Variants in GRID1 observed in about 807,000 individuals in gnomAD.
The protein encoded by GRID1 is glutamate receptor ionotropic, delta-1.
GRID1 carries 28 observed loss-of-function variants against 98.0 expected under a neutral mutation model. The ratio of observed to expected loss-of-function variants is 0.29; its 90% confidence interval spans 0.21 to 0.39. The LOEUF (loss-of-function observed/expected upper bound fraction) is 0.39, where lower values mean the gene tolerates loss of function less well. Ranked by LOEUF, GRID1 falls within the 10% of genes least tolerant of loss-of-function variation. The pLI is 1.00. For missense variants in GRID1, 1,111 were observed against 1,340.5 expected (o/e 0.83, Z 2.67); for synonymous variants, 553 against 538.5 (o/e 1.03, Z -0.37).
chr10:85,931,165 CT>C (rs1314056698), intron 4 of GRID1, among the ~76,000 whole-genome samples: 1 of 152,000 alleles, frequency 6.6e-6, no homozygotes. Context: ...ACTTTGATTC[CT>C]GTTCTTTTCA....
intron 12 of GRID1, among the ~76,000 whole-genome samples, chr10:85,666,057 T>A (rs1456331518): frequency 6.6e-6 from 1 of 152,136 alleles, no homozygotes; most frequent in Non-Finnish European, 1.5e-5. Flanking sequence ...AAATATGTGA[T>A]TTTTCTACCT....
At chr10:85,847,798 T>C (rs2131775954) in intron 8 of GRID1, among the ~76,000 whole-genome samples, 1 of 152,242 alleles carries the variant, frequency 6.6e-6, no homozygotes, top group African/African-American at 2.4e-5. Context: ...TATAAGTTCC[T>C]AAAAAACACA....
intron 4 of GRID1, among the ~76,000 whole-genome samples, chr10:85,921,608 G>C (rs1841704794): frequency 6.6e-6 from 1 of 152,234 alleles, no homozygotes; most frequent in Non-Finnish European, 1.5e-5. Flanking sequence ...ACAGAAAGGA[G>C]TCCCTGAGCA....
chr10:85,728,137 T>G, intron 9 of GRID1, 85 bp from the exon 10 acceptor site: 1 of 1,013,382 alleles, frequency 9.9e-7, no homozygotes, highest in Non-Finnish European at 1.6e-6. Flanking sequence ...GAGAAAGATC[T>G]GATTAGAACA....
intron 13 of GRID1, among the ~76,000 whole-genome samples, chr10:85,621,367 CTCCTGCCTT>C (rs1323382421): frequency 7.9e-5 from 12 of 152,270 alleles, no homozygotes. Context: ...TTGTCCCTGG[CTCCTGCCTT>C]TGTTCAGTTG....
intron 12 of GRID1, among the ~76,000 whole-genome samples, chr10:85,674,942 T>G (rs767360952): frequency 2.6e-5 from 4 of 152,210 alleles, no homozygotes; most frequent in Non-Finnish European, 5.9e-5. Context: ...TGCTCATATA[T>G]TCCATTGGAG....
At chr10:86,128,176 G>T (rs547332589) in intron 4 of GRID1, among the ~76,000 whole-genome samples, 2 of 116,620 alleles carry the variant, frequency 1.7e-5, no homozygotes, top group South Asian at 6.0e-4. Flanking sequence ...GGTTTCCTCT[G>T]TGAGAGGAGA....
intron 12 of GRID1, among the ~76,000 whole-genome samples, chr10:85,666,214 C>A (rs1192117230): frequency 5.9e-5 from 9 of 152,162 alleles, no homozygotes; most frequent in Non-Finnish European, 1.5e-5. Flanking sequence ...GGCAAGGACA[C>A]TGAGGCCCAG....
chr10:86,182,483 G>A (rs892570946), intron 3 of GRID1, among the ~76,000 whole-genome samples: 1 of 152,206 alleles, frequency 6.6e-6, no homozygotes, highest in Non-Finnish European at 1.5e-5. Flanking sequence ...TCATCTGATC[G>A]GCTTCTGCCT....
intron 2 of GRID1, among the ~76,000 whole-genome samples, chr10:86,282,437 T>C (rs993028740): frequency 2.0e-5 from 3 of 152,100 alleles, no homozygotes; most frequent in Admixed American, 2.0e-4. Flanking sequence ...CTTCCATGGA[T>C]CCAGGTGCCG....
intron 8 of GRID1, among the ~76,000 whole-genome samples, chr10:85,761,183 C>T (rs1842144047): frequency 6.6e-6 from 1 of 152,234 alleles, no homozygotes; most frequent in African/African-American, 2.4e-5. Context: ...ACAGTGCCTG[C>T]CTCCAGTTTT....
intron 2 of GRID1, among the ~76,000 whole-genome samples, chr10:86,332,494 C>A (rs1848159365): frequency 6.6e-6 from 1 of 152,094 alleles, no homozygotes; most frequent in Admixed American, 6.5e-5. Flanking sequence ...TTGTGTCCTG[C>A]CTGGCCTGAC....
At chr10:85,651,291 C>G (rs1358328070) in intron 12 of GRID1, among the ~76,000 whole-genome samples, 1 of 152,340 alleles carries the variant, frequency 6.6e-6, no homozygotes. Context: ...GGTTGGAACA[C>G]TGTGCTCATG....
At position 86,351,145 on chromosome 10, in the gene GRID1, G is replaced by T. The variant is rs1163742276; in HGVS notation, c.235+12796C>A. 5.3e-5 allele frequency among the ~76,000 whole-genome samples: 8 copies of T among 152,376 alleles called. No homozygotes were observed. The East Asian group carries it at 7.7e-4, about 15-fold the overall frequency. ...AGTGAGATTCCTGGGCCAGCTGCAA[G>T]CGCCACTCAGGTGACTGTCCATGAG... On this transcript the variant is annotated intron_variant, in intron 2 of 15. Transcript: ENST00000327946.
At chr10:85,760,528 A>G (rs185156812) in intron 8 of GRID1, among the ~76,000 whole-genome samples, 34 of 152,298 alleles carry the variant, frequency 2.2e-4, no homozygotes, top group Admixed American at 1.8e-3. Context: ...TCTGCCAGGT[A>G]AACTATAACA....
intron 4 of GRID1, among the ~76,000 whole-genome samples, chr10:85,955,033 A>C (rs1036787294): frequency 3.9e-5 from 6 of 152,298 alleles, no homozygotes; most frequent in Non-Finnish European, 7.4e-5. Flanking sequence ...AATACAAAAA[A>C]CATGCCATTG....
rs1221376408 is a variant in GRID1 at position 85,600,278 on chromosome 10, A to T, written c.*1995T>A. On this transcript the variant is annotated 3_prime_UTR_variant, in exon 16 of 16. Transcript: ENST00000327946. ...TCCAAGGTCCACATGCTCTGATTGGAGAAATGTCAATGGATTGCCTAGGTA... is the reference window on the plus strand; with the variant it reads ...TCCAAGGTCCACATGCTCTGATTGGTGAAATGTCAATGGATTGCCTAGGTA... The T allele has an allele frequency of 1.3e-5, 2 of 152,202 alleles. No homozygotes were observed. Among genetic ancestry groups the T allele is most frequent in the Admixed American group, 6.5e-5 (1 of 15,280 alleles). The allele number at this position is 152,202 out of a possible 1,614,324, so 9.4% of individuals were successfully genotyped here.
At chr10:85,709,148 C>A (rs1055185623) in intron 12 of GRID1, 10 of 333,012 alleles carry the variant, frequency 3.0e-5, no homozygotes, top group African/African-American at 2.2e-4. Context: ...TGCTGCAGAG[C>A]ATTCTTGGAA....
At chr10:85,802,169 G>A (rs552777013) in intron 8 of GRID1, among the ~76,000 whole-genome samples, 22 of 152,184 alleles carry the variant, frequency 1.4e-4, no homozygotes, top group African/African-American at 5.3e-4. Context: ...AACTGTCGCT[G>A]AAATTGTTCT....
Sources: allele counts gnomAD v4.1 joint callset (sites outside exome capture counted in the v4.1 genomes callset), GRCh38; gene constraint gnomAD v4.1.1; transcripts MANE v1.5; gene names NCBI Gene and HGNC (gene_info 2026-07-23, HGNC 2026-07-21).